The following TRHDE variants were observed in gnomAD, a reference collection of about 807,000 sequenced individuals.
TRHDE encodes thyrotropin releasing hormone degrading enzyme, also known as thyrotropin-releasing hormone-degrading ectoenzyme.
Under a neutral mutation model 125.7 loss-of-function variants are expected in TRHDE, and 72 were observed. That is an observed-to-expected ratio of 0.57 (90% CI 0.47 to 0.70). The LOEUF (loss-of-function observed/expected upper bound fraction) is 0.70, where lower values mean the gene tolerates loss of function less well. TRHDE is among the 30% of genes least tolerant of loss of function. The pLI is 0.00. For synonymous variants in TRHDE, 509 were observed against 509.1 expected, an observed-to-expected ratio of 1.00 and a Z score of 0.00; for missense variants, 1,110 against 1,327.1, an observed-to-expected ratio of 0.84 and a Z score of 2.54.
chr12:72,370,979 G>A (rs1351865391), intron 2 of TRHDE, among the ~76,000 whole-genome samples: 4 of 152,064 alleles, frequency 2.6e-5, no homozygotes, highest in Non-Finnish European at 5.9e-5. Context: ...CTGACCTCAG[G>A]TGAGATCCAC....
chr12:72,298,826 T>C (rs1880400043), intron 2 of TRHDE, among the ~76,000 whole-genome samples: 1 of 152,210 alleles, frequency 6.6e-6, no homozygotes, highest in Admixed American at 6.5e-5. Context: ...CTCCATTATT[T>C]ACCTGACCAG....
At chr12:72,230,430 A>C (rs1033379271) in intron 2 of TRHDE, among the ~76,000 whole-genome samples, 1 of 152,198 alleles carries the variant, frequency 6.6e-6, no homozygotes, top group African/African-American at 2.4e-5. Context: ...TGTGTTTTGC[A>C]AAACATGTTT....
intron 2 of TRHDE, among the ~76,000 whole-genome samples, chr12:72,214,970 G>A (rs575413231): frequency 2.8e-4 from 42 of 152,202 alleles, no homozygotes; most frequent in African/African-American, 7.9e-4. Flanking sequence ...CCATGCAAAC[G>A]ATCATTTATT....
intron 3 of TRHDE, among the ~76,000 whole-genome samples, chr12:72,468,491 C>T (rs1042759592): frequency 3.9e-5 from 6 of 152,146 alleles, no homozygotes; most frequent in African/African-American, 1.4e-4. Context: ...GGAGTTAACC[C>T]AGGGTTATAT....
chr12:72,603,719 C>T (rs1476755382), intron 12 of TRHDE, among the ~76,000 whole-genome samples: 2 of 151,424 alleles, frequency 1.3e-5, no homozygotes, highest in East Asian at 2.0e-4. Flanking sequence ...AGTGAGACTC[C>T]GTCTCAAAAC....
chr12:72,205,718 T>C (rs1435927810), intron 2 of TRHDE, among the ~76,000 whole-genome samples: 2 of 152,224 alleles, frequency 1.3e-5, no homozygotes, highest in Non-Finnish European at 2.9e-5. Context: ...TAAGTAGTAT[T>C]CCATTGTATG....
At chr12:72,233,949 C>T (rs1236602863) in intron 2 of TRHDE, among the ~76,000 whole-genome samples, 2 of 151,966 alleles carry the variant, frequency 1.3e-5, no homozygotes, top group Non-Finnish European at 2.9e-5. Context: ...GAATAATATC[C>T]CAAGTGTATG....
chr12:72,621,881 T>C, intron 15 of TRHDE, 130 bp downstream of exon 15: 2 of 670,914 alleles, frequency 3.0e-6, no homozygotes, highest in East Asian at 6.2e-5. Flanking sequence ...CAACATTTTG[T>C]GTCAGGTTCA....
chr12:72,338,666 A>G (rs1869942213), intron 2 of TRHDE, among the ~76,000 whole-genome samples: 1 of 152,174 alleles, frequency 6.6e-6, no homozygotes, highest in African/African-American at 2.4e-5. Context: ...TGTGCAAACA[A>G]TGATGTGCCA....
At chr12:72,602,584 G>T (rs1401757578) in intron 12 of TRHDE, among the ~76,000 whole-genome samples, 1 of 152,082 alleles carries the variant, frequency 6.6e-6, no homozygotes, top group Non-Finnish European at 1.5e-5. Context: ...GGGCAGAAGT[G>T]GTGGGCTGGA....
At chr12:72,503,353 A>G (rs1422059065) in intron 6 of TRHDE, among the ~76,000 whole-genome samples, 3 of 152,254 alleles carry the variant, frequency 2.0e-5, no homozygotes, top group East Asian at 3.9e-4. Context: ...AATTATTTTC[A>G]TGTTTGATTA....
In TRHDE at chr12:72,669,877, T is replaced by G. The variant is rs1875208002; in HGVS notation, c.*6682T>G. 6.6e-6 allele frequency: 1 copy of G among 151,766 alleles called. No individual in the cohort carries two copies. Among genetic ancestry groups the G allele is most frequent in the African/African-American group, 2.4e-5 (1 of 41,404 alleles). The allele number at this position is 151,766 out of a possible 1,614,324, so 9.4% of individuals were successfully genotyped here. On this transcript the variant is annotated 3_prime_UTR_variant, in exon 19 of 19. Transcript: ENST00000261180. ...TTTTTCATTTTTCATTGCTATCTTTTAATCCCTTTGCATTTTGATAATATC... is the reference window on the plus strand; with the variant it reads ...TTTTTCATTTTTCATTGCTATCTTTGAATCCCTTTGCATTTTGATAATATC...
intron 15 of TRHDE, among the ~76,000 whole-genome samples, chr12:72,640,317 A>AC (rs1311336091): frequency 6.6e-6 from 1 of 151,700 alleles, no homozygotes; most frequent in Non-Finnish European, 1.5e-5. Flanking sequence ...GAACTCCCTG[A>AC]CCCCCTGCGC....
chr12:72,492,239 A>G (rs981432756), intron 5 of TRHDE, among the ~76,000 whole-genome samples: 3 of 151,932 alleles, frequency 2.0e-5, no homozygotes, highest in Non-Finnish European at 4.4e-5. Context: ...TACTTTCTCT[A>G]TCAGTATGAT....
chr12:72,438,606 T>A (rs1021204362), intron 3 of TRHDE, among the ~76,000 whole-genome samples: 1 of 151,892 alleles, frequency 6.6e-6, no homozygotes, highest in Non-Finnish European at 1.5e-5. Flanking sequence ...TTTCATCAGA[T>A]TTTTTTGTGA....
intron 17 of TRHDE, among the ~76,000 whole-genome samples, chr12:72,653,882 A>T (rs1257540352): frequency 2.0e-5 from 3 of 152,158 alleles, no homozygotes; most frequent in Non-Finnish European, 4.4e-5. Context: ...GTCTCTGAAA[A>T]GCTAGTGTAT....
At chr12:72,631,130 A>C (rs1166419966) in intron 15 of TRHDE, among the ~76,000 whole-genome samples, 1 of 151,588 alleles carries the variant, frequency 6.6e-6, no homozygotes, top group Non-Finnish European at 1.5e-5. Context: ...AGATATACAG[A>C]GCAGGCATTC....
chr12:72,175,863 G>A (rs918731300), intron 2 of TRHDE, among the ~76,000 whole-genome samples: 2 of 152,216 alleles, frequency 1.3e-5, no homozygotes, highest in Non-Finnish European at 2.9e-5. Flanking sequence ...TTGTGAAGAA[G>A]GATCAACTCT....
chr12:72,172,851 C>T (rs1015126127), intron 2 of TRHDE, among the ~76,000 whole-genome samples: 19 of 152,156 alleles, frequency 1.2e-4, no homozygotes, highest in African/African-American at 4.6e-4. Context: ...ATTACCAGAA[C>T]CTGTTTAATG....
Sources: gnomAD v4.1 joint callset for allele counts (sites outside exome capture counted in the v4.1 genomes callset) on GRCh38, gnomAD v4.1.1 for gene constraint, MANE v1.5 for transcripts, NCBI Gene and HGNC (gene_info 2026-07-23, HGNC 2026-07-21) for gene names.